The following PCDH15 variants were observed in gnomAD, a reference collection of about 807,000 sequenced individuals.
PCDH15 encodes the protein protocadherin related 15, also known as protocadherin-15.
Under a neutral mutation model 178.5 loss-of-function variants are expected in PCDH15, and 129 were observed. The observed-to-expected ratio is 0.72, with a 90% confidence interval of 0.63 to 0.84. The LOEUF (loss-of-function observed/expected upper bound fraction) is 0.84. Ranked by LOEUF, PCDH15 falls within the 40% of genes least tolerant of loss-of-function variation. The probability of loss-of-function intolerance (pLI) is 0.00; values close to 1 mark genes in which losing one functional copy is unlikely to be tolerated. For synonymous variants in PCDH15, 800 were observed against 732.0 expected, an observed-to-expected ratio of 1.09 and a Z score of -1.50; for missense variants, 2,230 against 2,099.9, an observed-to-expected ratio of 1.06 and a Z score of -1.21.
At chr10:55,568,481 A>T (rs539047991) in intron 2 of PCDH15, among the ~76,000 whole-genome samples, 109 of 152,124 alleles carry the variant, frequency 7.2e-4, no homozygotes, top group African/African-American at 2.5e-3. Flanking sequence ...CAATAATATA[A>T]ATGTGATTAA....
At chr10:54,526,718 A>T (rs1005806689) in intron 3 of PCDH15, among the ~76,000 whole-genome samples, 8 of 152,312 alleles carry the variant, frequency 5.3e-5, no homozygotes, top group Admixed American at 5.2e-4. Context: ...ATTAATACTT[A>T]AATTTGTTTA....
intron 8 of PCDH15, among the ~76,000 whole-genome samples, chr10:54,284,408 T>C (rs1467748407): frequency 6.6e-6 from 1 of 152,196 alleles, no homozygotes; most frequent in African/African-American, 2.4e-5. Flanking sequence ...ATTCTTATGA[T>C]TGGGCAATGT....
At chr10:54,483,914 A>C (rs991454269) in intron 3 of PCDH15, among the ~76,000 whole-genome samples, 2 of 151,922 alleles carry the variant, frequency 1.3e-5, no homozygotes, top group South Asian at 4.1e-4. Context: ...TGCACTTAGT[A>C]ATTAGCAGAG....
chr10:54,768,757 C>T (rs1457172120), intron 1 of PCDH15, among the ~76,000 whole-genome samples: 1 of 152,086 alleles, frequency 6.6e-6, no homozygotes, highest in African/African-American at 2.4e-5. Context: ...AACCCAAGTG[C>T]CTTACATGGT....
intron 2 of PCDH15, among the ~76,000 whole-genome samples, chr10:55,162,427 T>G (rs1839090731): frequency 6.6e-6 from 1 of 152,176 alleles, no homozygotes; most frequent in Non-Finnish European, 1.5e-5. Flanking sequence ...TCAAATTCAT[T>G]TAACCGAACA....
At chr10:54,670,003 G>A (rs1364481221) in intron 1 of PCDH15, among the ~76,000 whole-genome samples, 1 of 152,032 alleles carries the variant, frequency 6.6e-6, no homozygotes, top group African/African-American at 2.4e-5. Context: ...GCAGTGGGTT[G>A]AGATTGCACC....
chr10:53,866,878 AAG>A (rs758739097), intron 26 of PCDH15, 21 bp from the exon 27 acceptor site: 16 of 1,513,984 alleles, frequency 1.1e-5, no homozygotes, highest in East Asian at 2.3e-5. Flanking sequence ...GGGAAAAAAA[AAG>A]AGATTATAAT....
chr10:54,978,324 A>T (rs982519034), intron 2 of PCDH15, among the ~76,000 whole-genome samples: 1 of 152,122 alleles, frequency 6.6e-6, no homozygotes, highest in Non-Finnish European at 1.5e-5. Context: ...TAGTCAAAAC[A>T]ATATGAGTAG....
At chr10:55,097,302 T>C (rs1159004521) in intron 2 of PCDH15, among the ~76,000 whole-genome samples, 1 of 152,162 alleles carries the variant, frequency 6.6e-6, no homozygotes, top group Non-Finnish European at 1.5e-5. Context: ...GGGTGTTTTC[T>C]AATCATGCCT....
intron 26 of PCDH15, among the ~76,000 whole-genome samples, chr10:53,869,574 T>A (rs888349317): frequency 6.6e-6 from 1 of 152,170 alleles, no homozygotes; most frequent in Non-Finnish European, 1.5e-5. Flanking sequence ...ATGCAAAAAG[T>A]GTACAAATTA....
rs540201962 is a variant in PCDH15, at chr10:53,858,709, G to A, written c.3718-1446C>T. Among the ~76,000 whole-genome samples, 5 of 152,132 alleles carry A rather than the reference G, an allele frequency of 3.3e-5. No homozygotes were observed. The South Asian group carries it at 8.3e-4, about 25-fold the overall frequency. On this transcript the variant is annotated intron_variant, in intron 27 of 37. Coordinates refer to ENST00000644397, the MANE Select transcript of PCDH15 (RefSeq NM_001384140.1). ...AGTTCTAACCTTGTACCCCTAACCC[G>A]TCATAGGTGTCTGGGACCAAATGAC... is the stretch of plus-strand genomic sequence containing the variant.
chr10:55,591,621 C>A (rs535930787), intron 2 of PCDH15, among the ~76,000 whole-genome samples: 11 of 152,138 alleles, frequency 7.2e-5, no homozygotes, highest in African/African-American at 2.6e-4. Context: ...CTTTTGCTTT[C>A]TTTTTCTGTG....
chr10:54,716,733 T>C (rs948356159), intron 1 of PCDH15, among the ~76,000 whole-genome samples: 1 of 151,978 alleles, frequency 6.6e-6, no homozygotes, highest in Non-Finnish European at 1.5e-5. Context: ...TACCAATGAC[T>C]TTCTTCACAG....
chr10:54,088,684 T>C (rs1421868050), intron 16 of PCDH15, among the ~76,000 whole-genome samples: 1 of 152,206 alleles, frequency 6.6e-6, no homozygotes, highest in Admixed American at 6.5e-5. Context: ...TTATCTCATA[T>C]ATTGCAATTT....
chr10:53,900,138 G>C (rs570353314), intron 26 of PCDH15, among the ~76,000 whole-genome samples: 1 of 151,722 alleles, frequency 6.6e-6, no homozygotes, highest in Admixed American at 6.6e-5. Flanking sequence ...GACAATTTGC[G>C]CTCTGCTACT....
intron 35 of PCDH15, among the ~76,000 whole-genome samples, chr10:53,812,246 C>T (rs1250806754): frequency 2.0e-5 from 3 of 152,138 alleles, no homozygotes; most frequent in Admixed American, 6.5e-5. Flanking sequence ...CTCGCTGAGT[C>T]GCCCAGGCTG....
At chr10:55,319,613 T>C (rs949022607) in exon 1 of PCDH15, 8 of 152,142 alleles carry the variant, frequency 5.3e-5, no homozygotes, top group African/African-American at 1.7e-4. Context: ...AAATCCTGCA[T>C]AGGGTTATCG....
At chr10:54,889,690 G>A (rs1954426786) in intron 3 of PCDH15, among the ~76,000 whole-genome samples, 1 of 151,334 alleles carries the variant, frequency 6.6e-6, no homozygotes, top group South Asian at 2.1e-4. Context: ...CTATAATAAT[G>A]TAGGTCATAA....
At chr10:54,910,316 C>G (rs76862500) in intron 2 of PCDH15, among the ~76,000 whole-genome samples, 1 of 151,990 alleles carries the variant, frequency 6.6e-6, no homozygotes, top group Admixed American at 6.6e-5. Flanking sequence ...TATTCCTGAG[C>G]AAAAAACTCC....
Sources: allele counts gnomAD v4.1 joint callset (sites outside exome capture counted in the v4.1 genomes callset), GRCh38; gene constraint gnomAD v4.1.1; transcripts MANE v1.5; gene names NCBI Gene and HGNC (gene_info 2026-07-23, HGNC 2026-07-21).